ENO4: variants seen among roughly 807,000 people sequenced by gnomAD.
The protein encoded by ENO4 is 2-phospho-D-glycerate hydro-lyase.
ENO4 carries 53 observed loss-of-function variants against 63.2 expected under a neutral mutation model. The observed-to-expected ratio is 0.84, with a 90% CI of 0.67 to 1.05. ENO4 has a LOEUF of 1.05. ENO4 is among the 50% of genes least tolerant of loss of function. ENO4 has a pLI of 0.00. For synonymous variants in ENO4, 266 were observed against 283.8 expected (o/e 0.94, Z 0.63); for missense variants, 719 against 772.0 (o/e 0.93, Z 0.81).
chr10:116,869,878 C>T (rs1276041150), intron 8 of ENO4, among the ~76,000 whole-genome samples: 1 of 148,936 alleles, frequency 6.7e-6, no homozygotes, highest in Non-Finnish European at 1.5e-5. Flanking sequence ...AAATCTGGTT[C>T]AACTTAGTTA....
rs1488549039 is a variant in ENO4 at position 116,849,651 on chromosome 10, G to A, written c.85G>A (p.Glu29Lys). 6.5e-7 allele frequency: 1 copy of A among 1,550,266 alleles called. No individual in the cohort carries two copies. Among genetic ancestry groups the A allele is most frequent in the East Asian group, 2.4e-5 (1 of 40,840 alleles). ...LKQQAMEYYR[E>K]NDVPRRLEEL... ...GCAGCAGGCGATGGAGTACTACCGG[G>A]AGAACGACGTTCCGCGCAGGCTGGA... Residue 29 changes from glutamate to lysine, a missense_variant, in exon 1 of 14, where the codon GAG becomes AAG. Physicochemically the swap from Glu to Lys is moderately conservative, Grantham distance 56. Coordinates refer to ENST00000341276, the MANE Select transcript of ENO4 (RefSeq NM_001242699.2).
intron 10 of ENO4, among the ~76,000 whole-genome samples, chr10:116,889,769 C>A (rs906400674): frequency 2.6e-5 from 4 of 152,194 alleles, no homozygotes; most frequent in Non-Finnish European, 5.9e-5. Flanking sequence ...TGATTTCATT[C>A]TTTCCGAATC....
At chr10:116,898,989 T>C (rs1847623105) in intron 10 of ENO4, among the ~76,000 whole-genome samples, 1 of 152,192 alleles carries the variant, frequency 6.6e-6, no homozygotes, top group Admixed American at 6.5e-5. Context: ...TTTCTAGGTA[T>C]AGTGTGATTT....
At chr10:116,857,751 G>A (rs1846306780) in intron 3 of ENO4, among the ~76,000 whole-genome samples, 1 of 151,306 alleles carries the variant, frequency 6.6e-6, no homozygotes, top group East Asian at 1.9e-4. Flanking sequence ...CGATTCTCCT[G>A]CCTCAGCCTC....
chr10:116,861,062 C>A lies in ENO4; in HGVS notation c.808C>A (p.Gln270Lys). ...NIALLKHNQE[Q>K]PTTLSMPLLM... The stretch of plus-strand genomic sequence containing the variant: ...CCTCGTTTTCCCCCTATTTCAGGAA[C>A]AGCCAACAACGCTATCTATGCCTTT... Residue 270 changes from glutamine to lysine, a missense_variant, in exon 6 of 14, where the codon CAG becomes AAG. Gln to Lys is a moderately conservative substitution (Grantham distance 53). Transcript: ENST00000341276. 1 of 1,548,794 alleles carries A rather than the reference C, an allele frequency of 6.5e-7. No individual in the cohort carries two copies.
At chr10:116,853,167 C>T (rs989598703) in intron 1 of ENO4, among the ~76,000 whole-genome samples, 7 of 152,026 alleles carry the variant, frequency 4.6e-5, no homozygotes, top group South Asian at 2.1e-4. Flanking sequence ...TGGTGTCGGG[C>T]GACTGTAGTC....
At chr10:116,890,632 T>C (rs775822217) in intron 10 of ENO4, among the ~76,000 whole-genome samples, 71 of 152,338 alleles carry the variant, frequency 4.7e-4, no homozygotes, top group Admixed American at 3.0e-3. Context: ...ACGAGAAATA[T>C]ACCAAGTTAT....
At chr10:116,897,137 T>C (rs1322178215) in intron 10 of ENO4, among the ~76,000 whole-genome samples, 2 of 152,120 alleles carry the variant, frequency 1.3e-5, no homozygotes, top group Non-Finnish European at 2.9e-5. Context: ...ACTTCTAATG[T>C]AAAAAGGTCT....
At chr10:116,868,554 A>C in intron 7 of ENO4, 96 bp from the exon 8 acceptor site, 1 of 971,368 alleles carries the variant, frequency 1.0e-6, no homozygotes, top group Non-Finnish European at 1.6e-6. Context: ...TGTGAGATTC[A>C]GTGTTGCTGG....
At chr10:116,859,246 G>T in intron 4 of ENO4, 108 bp downstream of exon 4, 4 of 1,302,448 alleles carry the variant, frequency 3.1e-6, no homozygotes, top group Non-Finnish European at 4.0e-6. Context: ...CCTACTTTGG[G>T]CTCACGGCTA....
intron 10 of ENO4, 43 bp from the exon 11 acceptor site, chr10:116,876,022 T>C (rs1180713642): frequency 2.2e-6 from 3 of 1,356,450 alleles, no homozygotes; most frequent in East Asian, 5.2e-5. Context: ...TTTGTAATTA[T>C]GTTCAATGCA....
At chr10:116,892,054 C>T (rs1329295107) in intron 10 of ENO4, among the ~76,000 whole-genome samples, 1 of 152,134 alleles carries the variant, frequency 6.6e-6, no homozygotes, top group Non-Finnish European at 1.5e-5. Context: ...TCAACATGAA[C>T]AAGAATTCCT....
At position 116,856,614 on chromosome 10, in the gene ENO4, C is replaced by T. The variant is rs1363635545; in HGVS notation, c.417C>T (p.Asn139=). Residue 139 remains asparagine (N), a synonymous_variant, in exon 3 of 14, where the codon AAC becomes AAT. Transcript: ENST00000341276. ...SAVSTAVQWV[N]STITHELQGM... is the part of the protein sequence containing the mutation. ...TGAGCACCGCCGTGCAGTGGGTCAA[C>T]AGCACCATCACGCACGAGCTCCAGG... The T allele has an allele frequency of 2.0e-6, 3 of 1,536,152 alleles. No individual in the cohort carries two copies. The South Asian group carries it at 3.6e-5, about 18-fold the overall frequency.
chr10:116,861,176 T>C lies in ENO4; in HGVS notation c.922T>C (p.Leu308=). The part of the protein sequence containing the change: ...KEVICIPHPE[L]TTKQGVEMLM... Reference sequence around the variant, plus strand: ...AGTGATTTGTATACCCCATCCTGAATTAACAACCAAACAAGTACCTTACAT... The same window carrying C: ...AGTGATTTGTATACCCCATCCTGAACTAACAACCAAACAAGTACCTTACAT... The change falls in exon 6 of 14, where the codon TTA becomes CTA. Residue 308 remains leucine, a synonymous_variant. Transcript: ENST00000341276. 3 of 1,498,950 alleles carry C rather than the reference T, an allele frequency of 2.0e-6. No homozygotes were observed. The highest frequency in any genetic ancestry group is 2.5e-5 in the East Asian group (1 of 39,758). 92.9% of individuals were successfully genotyped at this position (1,498,950 alleles called of 1,614,324 possible).
At chr10:116,852,805 C>T (rs1469485124) in intron 1 of ENO4, among the ~76,000 whole-genome samples, 3 of 152,142 alleles carry the variant, frequency 2.0e-5, no homozygotes, top group Non-Finnish European at 2.9e-5. Flanking sequence ...CCAGCCATCC[C>T]AGCTACGGCA....
exon 11 of ENO4, chr10:116,911,640 C>G: frequency 6.4e-7 from 1 of 1,558,944 alleles, no homozygotes; most frequent in Non-Finnish European, 8.7e-7. Context: ...ATGGAGCAGT[C>G]TGTAAGCACG....
At chr10:116,875,945 G>C (rs1846820873) in intron 10 of ENO4, 120 bp from the exon 11 acceptor site, 2 of 699,652 alleles carry the variant, frequency 2.9e-6, no homozygotes, top group East Asian at 6.2e-5. Flanking sequence ...AGAAGTAAAA[G>C]AAAATTGTTT....
intron 10 of ENO4, among the ~76,000 whole-genome samples, chr10:116,888,745 T>A (rs745471182): frequency 6.6e-6 from 1 of 152,152 alleles, no homozygotes; most frequent in South Asian, 2.1e-4. Context: ...AGGAATGTCA[T>A]GCACAAGCTA....
At chr10:116,892,384 G>A (rs1847365553) in intron 10 of ENO4, among the ~76,000 whole-genome samples, 1 of 152,206 alleles carries the variant, frequency 6.6e-6, no homozygotes, top group Non-Finnish European at 1.5e-5. Context: ...TGAAATGTGG[G>A]TGATCATTTT....
Sources: gnomAD v4.1 joint callset for allele counts (sites outside exome capture counted in the v4.1 genomes callset) on GRCh38, gnomAD v4.1.1 for gene constraint, MANE v1.5 for transcripts, NCBI Gene and HGNC (gene_info 2026-07-23, HGNC 2026-07-21) for gene names.